The following NCKAP5 variants were observed in gnomAD, a reference collection of about 807,000 sequenced individuals.
NCKAP5 encodes the protein nck-associated protein 5.
A neutral mutation model predicts 167.0 loss-of-function variants in NCKAP5; 92 were observed. The observed-to-expected ratio is 0.55, with a 90% CI of 0.47 to 0.66. The LOEUF (loss-of-function observed/expected upper bound fraction) is 0.66, where lower values mean the gene tolerates loss of function less well. Ranked by LOEUF, NCKAP5 falls within the 30% of genes least tolerant of loss-of-function variation. The pLI is 0.00. For missense variants in NCKAP5, 2,378 were observed against 2,315.0 expected (o/e 1.03, Z -0.56); for synonymous variants, 891 against 877.4 (o/e 1.02, Z -0.27).
At chr2:133,043,154 A>G (rs539022943) in intron 6 of NCKAP5, among the ~76,000 whole-genome samples, 43 of 152,170 alleles carry the variant, frequency 2.8e-4, no homozygotes, top group Admixed American at 5.9e-4. Flanking sequence ...TATGCCACAA[A>G]TTATTCTGTG....
chr2:132,745,967 A>T (rs1679603703), intron 16 of NCKAP5, among the ~76,000 whole-genome samples: 1 of 152,100 alleles, frequency 6.6e-6, no homozygotes, highest in South Asian at 2.1e-4. Flanking sequence ...TTCATGGATC[A>T]GAAGACTCAA....
rs761494549 is a variant in NCKAP5, at chr2:132,933,436, A to G, written c.579+30284T>C. ...CTCAGTGAATGGGAAATGGAATTAA[A>G]TATATCTATTAGTTTGCTCTAGAGA... On this transcript the variant is annotated intron_variant, in intron 8 of 19. Transcript: ENST00000409261. Among the ~76,000 whole-genome samples, 14 of 152,306 alleles carry G rather than the reference A, an allele frequency of 9.2e-5. No individual in the cohort carries two copies. In the East Asian group the frequency reaches 1.7e-3, roughly 19 times the overall value.
chr2:133,033,875 A>C (rs2149433084), intron 6 of NCKAP5, among the ~76,000 whole-genome samples: 1 of 152,292 alleles, frequency 6.6e-6, no homozygotes, highest in South Asian at 2.1e-4. Context: ...GGATCTAGAA[A>C]ATAGCCTCAA....
intron 5 of NCKAP5, among the ~76,000 whole-genome samples, chr2:133,194,796 GA>G (rs796485783): frequency 1.3e-5 from 2 of 151,128 alleles, no homozygotes; most frequent in African/African-American, 4.9e-5. Flanking sequence ...CACAGACCCA[GA>G]AAATAAAGAG....
At chr2:133,164,715 G>A (rs1191786174) in intron 5 of NCKAP5, among the ~76,000 whole-genome samples, 1 of 152,086 alleles carries the variant, frequency 6.6e-6, no homozygotes, top group Non-Finnish European at 1.5e-5. Flanking sequence ...TGGCTATCCA[G>A]GTTCTTAAAC....
intron 16 of NCKAP5, among the ~76,000 whole-genome samples, chr2:132,746,511 C>T (rs1679659108): frequency 1.3e-5 from 2 of 151,598 alleles, no homozygotes; most frequent in South Asian, 4.2e-4. Context: ...AAACATGAAC[C>T]ATAAAATAAA....
intron 3 of NCKAP5, among the ~76,000 whole-genome samples, chr2:133,312,251 G>T (rs1681291302): frequency 6.6e-6 from 1 of 152,170 alleles, no homozygotes; most frequent in South Asian, 2.1e-4. Context: ...CTCGTGACCT[G>T]TTATTTGGTA....
chr2:132,687,132 T>G (rs1686048050), intron 19 of NCKAP5, among the ~76,000 whole-genome samples: 1 of 151,868 alleles, frequency 6.6e-6, no homozygotes, highest in Non-Finnish European at 1.5e-5. Context: ...ATGGGATGAG[T>G]TTAAAGAATA....
chr2:133,288,315 C>G (rs2150501525), intron 4 of NCKAP5, among the ~76,000 whole-genome samples: 1 of 152,282 alleles, frequency 6.6e-6, no homozygotes. Flanking sequence ...GTTGTGACGT[C>G]AAAGAATTTC....
chr2:133,487,124 C>A (rs969168146), intron 3 of NCKAP5, among the ~76,000 whole-genome samples: 1 of 152,062 alleles, frequency 6.6e-6, no homozygotes, highest in Admixed American at 6.6e-5. Context: ...TCTTTCATAC[C>A]CTCCCCAGCC....
chr2:132,804,394 C>G (rs1685271921), intron 11 of NCKAP5, among the ~76,000 whole-genome samples: 1 of 152,292 alleles, frequency 6.6e-6, no homozygotes, highest in Middle Eastern at 3.4e-3. Context: ...TTAATAAGTG[C>G]TTTCCAATTG....
intron 8 of NCKAP5, among the ~76,000 whole-genome samples, chr2:132,879,731 G>C (rs1316063402): frequency 6.6e-6 from 1 of 152,130 alleles, no homozygotes; most frequent in Non-Finnish European, 1.5e-5. Flanking sequence ...AAGCAATCTT[G>C]GCTCTACGTG....
chr2:133,336,781 G>A (rs1683237208), intron 3 of NCKAP5, among the ~76,000 whole-genome samples: 1 of 152,108 alleles, frequency 6.6e-6, no homozygotes, highest in Non-Finnish European at 1.5e-5. Context: ...TGCTCTTTAG[G>A]TTAAGAGTTT....
Position 133,203,307 on chromosome 2 carries a change from G to A in NCKAP5, c.207+10409C>T, listed in dbSNP as rs140922104. Among the ~76,000 whole-genome samples the A allele has an allele frequency of 9.5e-3, 1,450 of 152,120 alleles. 25 individuals carry two copies. The highest frequency in any genetic ancestry group is 0.033 in the African/African-American group (1,387 of 41,472). On this transcript the variant is annotated intron_variant, in intron 5 of 19. Transcript: ENST00000409261. Reference sequence around the variant, plus strand: ...TCGCAACGACAGAAAACCAAACACTGCATGTTCTCACTCATAGGTGGGAAC... The same window carrying A: ...TCGCAACGACAGAAAACCAAACACTACATGTTCTCACTCATAGGTGGGAAC...
At chr2:133,371,534 G>T (rs575804500) in intron 3 of NCKAP5, among the ~76,000 whole-genome samples, 45 of 152,336 alleles carry the variant, frequency 3.0e-4, no homozygotes, top group African/African-American at 9.1e-4. Context: ...GAACACACTT[G>T]TGTGCAATGT....
At chr2:133,223,101 C>A (rs1164161762) in intron 4 of NCKAP5, among the ~76,000 whole-genome samples, 4 of 140,508 alleles carry the variant, frequency 2.8e-5, no homozygotes, top group Non-Finnish European at 6.1e-5. Context: ...CCAATATAAA[C>A]CTATGCTCAG....
At position 133,006,964 on chromosome 2, in the gene NCKAP5, T is replaced by C. The variant is rs139443670; in HGVS notation, c.342-12725A>G. On this transcript the variant is annotated intron_variant, in intron 6 of 19. Transcript: ENST00000409261. ...CATGCTTCTTGTGACACTTGTTCCA[T>C]GATATTTCAGAGTAGCTTCTCTTAA... is the stretch of plus-strand genomic sequence containing the variant. 1.7e-3 allele frequency among the ~76,000 whole-genome samples: 262 copies of C among 152,330 alleles called. 1 individual carries two copies. The highest frequency in any genetic ancestry group is 5.8e-3 in the African/African-American group (242 of 41,572).
chr2:133,108,585 C>T (rs2081800414), intron 6 of NCKAP5, among the ~76,000 whole-genome samples: 1 of 152,148 alleles, frequency 6.6e-6, no homozygotes, highest in African/African-American at 2.4e-5. Context: ...ATGTCCTTGC[C>T]AATACTTTTA....
At chr2:132,685,335 A>G (rs1685793674) in intron 19 of NCKAP5, among the ~76,000 whole-genome samples, 1 of 152,170 alleles carries the variant, frequency 6.6e-6, no homozygotes, top group Non-Finnish European at 1.5e-5. Flanking sequence ...TCATCCCAGG[A>G]TGGGAAGCAG....
Sources: allele counts gnomAD v4.1 joint callset (sites outside exome capture counted in the v4.1 genomes callset), GRCh38; gene constraint gnomAD v4.1.1; transcripts MANE v1.5; gene names NCBI Gene and HGNC (gene_info 2026-07-23, HGNC 2026-07-21).